MBD1: variants seen among roughly 807,000 people sequenced by gnomAD.
The protein encoded by MBD1 is methyl-CpG binding domain protein 1.
In MBD1, 25 loss-of-function variants were observed where a neutral mutation model predicts 82.6. The ratio of observed to expected loss-of-function variants is 0.30; its 90% CI spans 0.22 to 0.42. The LOEUF (loss-of-function observed/expected upper bound fraction) is 0.42, where lower values mean the gene tolerates loss of function less well. Among genes scored for constraint, MBD1 ranks in the 10% least tolerant of loss-of-function variants. MBD1 has a pLI of 1.00. For missense variants in MBD1, 627 were observed against 819.6 expected (o/e 0.76, Z 2.87); for synonymous variants, 301 against 303.7 (o/e 0.99, Z 0.09).
In MBD1 at chr18:50,275,230, G is replaced by A. The variant is rs573408638; in HGVS notation, c.808C>T (p.Arg270Cys). The change falls in exon 9 of 17, where the codon CGC becomes TGC. Residue 270 changes from arginine to cysteine, a missense_variant. By Grantham distance (180) the Arg-to-Cys change is radical (BLOSUM62 -3). Coordinates refer to ENST00000269468, the MANE Select transcript of MBD1 (RefSeq NM_015846.4). The part of the protein sequence containing the change: ...RRCLRGKHAR[R>C]KGGCDSKMAA... The stretch of plus-strand genomic sequence containing the variant: ...ATCTTGGAGTCACAGCCTCCCTTGC[G>A]GCGGGCATGTTTACCCTGGGAAAGA... 27 of 1,614,010 alleles carry A rather than the reference G, an allele frequency of 1.7e-5. 1 individual carries two copies. Among genetic ancestry groups the A allele is most frequent in the South Asian group, 9.9e-5 (9 of 91,084 alleles).
intron 1 of MBD1, 117 bp downstream of exon 1, chr18:50,281,246 T>C: frequency 6.5e-7 from 1 of 1,531,804 alleles, no homozygotes; most frequent in Non-Finnish European, 8.7e-7. Context: ...GACGCCGCCA[T>C]TCCTCCCCCT....
Position 50,269,285 on chromosome 18 carries a change from G to C in MBD1, c.*566C>G, listed in dbSNP as rs1428171390. 1 of 1,216,742 alleles carries C rather than the reference G, an allele frequency of 8.2e-7. No individual in the cohort carries two copies. Among genetic ancestry groups the C allele is most frequent in the African/African-American group, 1.6e-5 (1 of 64,158 alleles). The allele number at this position is 1,216,742 out of a possible 1,614,324, so 75.4% of individuals were successfully genotyped here. On this transcript the variant is annotated 3_prime_UTR_variant, in exon 17 of 17. Coordinates refer to ENST00000269468, the MANE Select transcript of MBD1 (RefSeq NM_015846.4). Reference sequence around the variant, plus strand: ...ACATAGTTATATTGAGTTATCCTCAGGTGAGCAGTGAGACCCTTGGGAGCG... The same window carrying C: ...ACATAGTTATATTGAGTTATCCTCACGTGAGCAGTGAGACCCTTGGGAGCG...
downstream of MBD1, chr18:50,267,623 A>T (rs2034058037): frequency 6.5e-7 from 1 of 1,535,962 alleles, no homozygotes; most frequent in Admixed American, 2.0e-5. Context: ...CACAGGTGGT[A>T]ACCACAGTTG....
chr18:50,276,894 C>T lies in MBD1; in HGVS notation c.330G>A (p.Glu110=). 7 of 1,614,252 alleles carry T rather than the reference C, an allele frequency of 4.3e-6. No individual in the cohort carries two copies. The highest frequency in any genetic ancestry group is 1.7e-5 in the Admixed American group (1 of 60,022). ...CAGCCTTGGTCTCATCCCTCGGGGC[C>T]TCCTTCCTGACCTCACCACTCTGGG... ...VGPQSGEVRK[E]APRDETKADT... is the part of the protein sequence containing the mutation. The change falls in exon 4 of 17, where the codon GAG becomes GAA. Residue 110 remains glutamate, a synonymous_variant. Transcript: ENST00000269468.
chr18:50,272,112 C>T (rs1427364962), intron 15 of MBD1, among the ~76,000 whole-genome samples: 3 of 152,162 alleles, frequency 2.0e-5, no homozygotes, highest in Admixed American at 6.5e-5. Context: ...CAGCCCAAGC[C>T]CTTCCACAGA....
chr18:50,278,144 T>C (rs959460859), intron 2 of MBD1, among the ~76,000 whole-genome samples: 3 of 152,146 alleles, frequency 2.0e-5, no homozygotes, highest in Non-Finnish European at 4.4e-5. Flanking sequence ...TGGATACGGA[T>C]ATGGACAAAG....
At position 50,272,937 on chromosome 18, in the gene MBD1, G is replaced by A. The variant is rs760715031; in HGVS notation, c.1603C>T (p.Pro535Ser). ...TCAGGTGGCTCTTGCTTCACAGAAG[G>A]CAGGCCTGGGTCTACTGCCTGGGAG... ...CPSKAVDPGL[P>S]SVKQEPPDPE... is the part of the protein sequence containing the mutation. Residue 535 changes from proline to serine, a missense_variant, in exon 14 of 17, where the codon CCT (proline) becomes TCT (serine). Transcript: ENST00000269468. 6 of 1,614,192 alleles carry A rather than the reference G, an allele frequency of 3.7e-6. No homozygotes were observed. Among genetic ancestry groups the A allele is most frequent in the South Asian group, 1.1e-5 (1 of 91,078 alleles).
In MBD1 at chr18:50,268,866, T is replaced by C. The variant is rs1186780955; in HGVS notation, c.*985A>G. 1.0e-6 allele frequency: 1 copy of C among 963,530 alleles called. No individual in the cohort carries two copies. Among genetic ancestry groups the C allele is most frequent in the Non-Finnish European group, 1.2e-6 (1 of 810,112 alleles). The allele number at this position is 963,530 out of a possible 1,614,324, so 59.7% of individuals were successfully genotyped here. A position where few individuals can be genotyped will look rare whatever the true frequency, so the allele number is the denominator to read the frequency against. On this transcript the variant is annotated 3_prime_UTR_variant, in exon 17 of 17. Transcript: ENST00000269468. Reference sequence around the variant, plus strand: ...GTAAGTAAGTGGGACAATAAAAATTTAAAAATAATTTTAAAATAGAACAGC... The same window carrying C: ...GTAAGTAAGTGGGACAATAAAAATTCAAAAATAATTTTAAAATAGAACAGC...
rs2036735786 is a variant in MBD1, at chr18:50,274,056, C to A, written c.1146+130G>T. On this transcript the variant is annotated intron_variant, in intron 11 of 16. Coordinates refer to ENST00000269468, the MANE Select transcript of MBD1 (RefSeq NM_015846.4). The stretch of plus-strand genomic sequence containing the variant: ...CCACCTAGACTCATTAAGCCAAGAA[C>A]AATGTCTGTTAATCCTCAACCAAAG... 2.1e-6 allele frequency: 3 copies of A among 1,406,492 alleles called. No homozygotes were observed. In the East Asian group the frequency reaches 6.8e-5, roughly 32 times the overall value. 87.1% of individuals were successfully genotyped at this position (1,406,492 alleles called of 1,614,324 possible).
At chr18:50,277,973 T>G (rs917134075) in intron 2 of MBD1, among the ~76,000 whole-genome samples, 2 of 152,210 alleles carry the variant, frequency 1.3e-5, no homozygotes, top group African/African-American at 2.4e-5. Context: ...AATACAGTAA[T>G]TCCCCCTCTC....
At position 50,277,042 on chromosome 18, in the gene MBD1, T is replaced by C. The variant is rs186346791; in HGVS notation, c.226-44A>G. On this transcript the variant is annotated intron_variant, in intron 3 of 16. Transcript: ENST00000269468. ...AGGAATATGGGTCAGTGGTTGGGTGTTGGGTGGCACATCCACCCCTACCTA... is the reference window on the plus strand; with the variant it reads ...AGGAATATGGGTCAGTGGTTGGGTGCTGGGTGGCACATCCACCCCTACCTA... 1.8e-4 allele frequency: 287 copies of C among 1,613,686 alleles called. 1 individual carries two copies. The African/African-American group carries it at 3.3e-3, about 18-fold the overall frequency.
Position 50,269,301 on chromosome 18 carries a change from C to T in MBD1, c.*550G>A. The T allele has an allele frequency of 8.0e-7, 1 of 1,245,044 alleles. No homozygotes were observed. Among genetic ancestry groups the T allele is most frequent in the Non-Finnish European group, 1.0e-6 (1 of 980,530 alleles). The allele number at this position is 1,245,044 out of a possible 1,614,324, so 77.1% of individuals were successfully genotyped here. A position where few individuals can be genotyped will look rare whatever the true frequency, so the allele number is the denominator to read the frequency against. ...TTATCCTCAGGTGAGCAGTGAGACC[C>T]TTGGGAGCGGATTCATGGTAGGGTG... On this transcript the variant is annotated 3_prime_UTR_variant, in exon 17 of 17. Coordinates refer to ENST00000269468, the MANE Select transcript of MBD1 (RefSeq NM_015846.4).
chr18:50,270,642 A>G, intron 16 of MBD1: 2 of 278,520 alleles, frequency 7.2e-6, no homozygotes, highest in South Asian at 7.8e-5. Flanking sequence ...GGTTTGAGGA[A>G]TCCTATGCAG....
downstream of MBD1, chr18:50,267,617 G>A: frequency 1.3e-6 from 2 of 1,536,014 alleles, no homozygotes; most frequent in Non-Finnish European, 1.7e-6. Context: ...CTGCAGCACA[G>A]GTGGTAACCA....
chr18:50,272,441 A>G, intron 15 of MBD1: 1 of 579,014 alleles, frequency 1.7e-6, no homozygotes, highest in Admixed American at 2.9e-5. Context: ...ATAGAGTACC[A>G]AGTCTTTCCC....
chr18:50,273,274 T>G, intron 13 of MBD1, 60 bp downstream of exon 13: 2 of 1,604,404 alleles, frequency 1.2e-6, no homozygotes, highest in Non-Finnish European at 1.7e-6. Context: ...TGGCTCATCA[T>G]CACTCTGCTT....
chr18:50,276,263 C>A, intron 6 of MBD1, 115 bp downstream of exon 6: 1 of 1,100,552 alleles, frequency 9.1e-7, no homozygotes, highest in Admixed American at 1.9e-5. Context: ...ATGGAGAGCA[C>A]CCTATAAAAT....
intron 2 of MBD1, among the ~76,000 whole-genome samples, chr18:50,277,492 G>A (rs1366944231): frequency 1.3e-5 from 2 of 149,652 alleles, no homozygotes; most frequent in Admixed American, 6.6e-5. Context: ...ACACAAATAG[G>A]AACACAAATA....
chr18:50,268,500 G>A (rs1476446043), downstream of MBD1, among the ~76,000 whole-genome samples: 1 of 152,252 alleles, frequency 6.6e-6, no homozygotes, highest in African/African-American at 2.4e-5. Flanking sequence ...TGGGGTTTGC[G>A]CCGGACGGAG....
Sources: allele counts gnomAD v4.1 joint callset (sites outside exome capture counted in the v4.1 genomes callset), GRCh38; gene constraint gnomAD v4.1.1; transcripts MANE v1.5; gene names NCBI Gene and HGNC (gene_info 2026-07-23, HGNC 2026-07-21).